The following MED13 variants were observed in gnomAD, a reference collection of about 807,000 sequenced individuals.
MED13 encodes mediator complex subunit 13.
A neutral mutation model predicts 225.2 loss-of-function variants in MED13; 23 were observed. The observed-to-expected ratio is 0.10, with a 90% CI of 0.07 to 0.14. The LOEUF (loss-of-function observed/expected upper bound fraction) is 0.14, where lower values mean the gene tolerates loss of function less well. MED13 is among the 10% of genes least tolerant of loss of function. The probability of loss-of-function intolerance (pLI) is 1.00; values close to 1 mark genes in which losing one functional copy is unlikely to be tolerated. For synonymous variants in MED13, 942 were observed against 889.2 expected (o/e 1.06, Z -1.06); for missense variants, 2,197 against 2,594.5 (o/e 0.85, Z 3.33).
At position 62,039,263 on chromosome 17, in the gene MED13, T is replaced by A. The variant is rs1466377888; in HGVS notation, c.471-3655A>T. The stretch of plus-strand genomic sequence containing the variant: ...AGTGGTTTAAAATAAACCAAGTTTG[T>A]ATGTGATACTGGAGGGAAACAATAT... On this transcript the variant is annotated intron_variant, in intron 3 of 29. Coordinates refer to ENST00000397786, the MANE Select transcript of MED13 (RefSeq NM_005121.3). Among the ~76,000 whole-genome samples, 3 of 152,180 alleles carry A rather than the reference T, an allele frequency of 2.0e-5. No individual in the cohort carries two copies. The East Asian group carries it at 5.8e-4, about 29-fold the overall frequency.
At chr17:62,037,019 A>T (rs1260678415) in intron 3 of MED13, 1 of 152,116 alleles carries the variant, frequency 6.6e-6, no homozygotes, top group East Asian at 1.9e-4. Flanking sequence ...AGCACTTGGA[A>T]GGCAGGCAGA....
chr17:62,036,083 C>T (rs1041095898), intron 3 of MED13, among the ~76,000 whole-genome samples: 1 of 149,026 alleles, frequency 6.7e-6, no homozygotes, highest in Non-Finnish European at 1.5e-5. Flanking sequence ...GGCCACTGTA[C>T]CCAGCTCTTT....
intron 20 of MED13, 129 bp downstream of exon 20, chr17:61,964,877 A>C: frequency 3.7e-6 from 3 of 821,324 alleles, no homozygotes; most frequent in Non-Finnish European, 5.6e-6. Flanking sequence ...CAGAGGTTGC[A>C]GTGAGTGCAG....
At chr17:62,033,280 G>C (rs1391750905) in intron 5 of MED13, among the ~76,000 whole-genome samples, 1 of 152,144 alleles carries the variant, frequency 6.6e-6, no homozygotes, top group Non-Finnish European at 1.5e-5. Flanking sequence ...TATTGGAAGT[G>C]GTAGTTTTAC....
chr17:61,973,093 C>T (rs1468872279), intron 16 of MED13, among the ~76,000 whole-genome samples: 1 of 152,128 alleles, frequency 6.6e-6, no homozygotes, highest in African/African-American at 2.4e-5. Context: ...CAAGAAGACA[C>T]ACAATAAAAA....
intron 9 of MED13, chr17:62,005,421 C>A (rs1341332450): frequency 1.3e-5 from 2 of 152,150 alleles, no homozygotes; most frequent in African/African-American, 4.8e-5. Context: ...GCCTCGCCAA[C>A]ATGGTGAAAC....
At chr17:62,018,106 G>A (rs972890475) in intron 8 of MED13, among the ~76,000 whole-genome samples, 1 of 152,172 alleles carries the variant, frequency 6.6e-6, no homozygotes, top group African/African-American at 2.4e-5. Flanking sequence ...TGCTAATACA[G>A]TTGGTACCAC....
intron 16 of MED13, among the ~76,000 whole-genome samples, chr17:61,977,108 G>C (rs894814430): frequency 2.0e-5 from 3 of 152,152 alleles, no homozygotes; most frequent in Admixed American, 6.5e-5. Flanking sequence ...TAGGTGTTTA[G>C]ATTATAGACA....
At chr17:61,996,952 T>A (rs553900330) in intron 9 of MED13, among the ~76,000 whole-genome samples, 1 of 152,250 alleles carries the variant, frequency 6.6e-6, no homozygotes, top group South Asian at 2.1e-4. Context: ...GACTGAGATG[T>A]TTTTGCATTA....
At chr17:61,956,519 A>T (rs750596081) in intron 23 of MED13, 38 bp from the exon 24 acceptor site, 1 of 1,565,168 alleles carries the variant, frequency 6.4e-7, no homozygotes, top group South Asian at 1.2e-5. Context: ...AAATATTTCT[A>T]AAATTTATAT....
At chr17:61,954,112 G>A (rs973248134) in intron 26 of MED13, among the ~76,000 whole-genome samples, 3 of 152,150 alleles carry the variant, frequency 2.0e-5, no homozygotes, top group Admixed American at 6.5e-5. Context: ...ATCATGTAAA[G>A]CAAAACCAAA....
At chr17:61,947,312 C>T (rs2079859144) in intron 28 of MED13, among the ~76,000 whole-genome samples, 1 of 151,904 alleles carries the variant, frequency 6.6e-6, no homozygotes, top group African/African-American at 2.4e-5. Flanking sequence ...GGATTACACG[C>T]ATGAGCCACT....
intron 8 of MED13, among the ~76,000 whole-genome samples, chr17:62,021,418 C>G (rs1396992624): frequency 6.8e-6 from 1 of 146,306 alleles, no homozygotes; most frequent in Non-Finnish European, 1.5e-5. Context: ...GGGCAGGGGG[C>G]TGACCCCCCC....
chr17:62,061,028 A>G (rs901644014), intron 2 of MED13, among the ~76,000 whole-genome samples: 6 of 152,174 alleles, frequency 3.9e-5, no homozygotes, highest in African/African-American at 1.4e-4. Flanking sequence ...GGTACAAGTA[A>G]CTACCATTTT....
At chr17:61,976,151 G>GA (rs1010577896) in intron 16 of MED13, among the ~76,000 whole-genome samples, 3 of 152,176 alleles carry the variant, frequency 2.0e-5, no homozygotes, top group East Asian at 3.9e-4. Flanking sequence ...CCAAAAAGTG[G>GA]AAAAAATCTA....
chr17:62,055,434 ACAATTTATAAATTTT>A (rs2080989268), intron 2 of MED13, among the ~76,000 whole-genome samples: 1 of 152,190 alleles, frequency 6.6e-6, no homozygotes, highest in African/African-American at 2.4e-5. Flanking sequence ...AAGCTAAAGC[ACAATTTATAAATTTT>A]CACATGAAAT....
intron 9 of MED13, among the ~76,000 whole-genome samples, chr17:61,998,325 T>C (rs921517176): frequency 6.6e-6 from 1 of 152,180 alleles, no homozygotes; most frequent in African/African-American, 2.4e-5. Flanking sequence ...GGTACAGCCA[T>C]GAACAGGAAG....
Position 62,015,938 on chromosome 17 carries a change from ATATATATATATATATATTTTTTTTTTTT to A in MED13, c.1284-4733_1284-4706del, listed in dbSNP as rs1410990164. ...CACATATATATATATATATATATAT[ATATATATATATATATATTTTTTTTTTTT>A]TTTTTTTTTTTTTTTTTAGTAGAGA... is the stretch of plus-strand genomic sequence containing the variant. On this transcript the variant is annotated intron_variant, in intron 8 of 29. Coordinates refer to ENST00000397786, the MANE Select transcript of MED13 (RefSeq NM_005121.3). Among the ~76,000 whole-genome samples the A allele has an allele frequency of 3.4e-3, 31 of 9,004 alleles. 1 individual carries two copies. The highest frequency in any genetic ancestry group is 7.7e-3 in the African/African-American group (28 of 3,622). The allele number at this position is 9,004 out of a possible 152,430, so 5.9% of individuals were successfully genotyped here. A position where few individuals can be genotyped will look rare whatever the true frequency, so the allele number is the denominator to read the frequency against.
At chr17:61,984,518 G>A (rs1231391148) in intron 14 of MED13, 133 bp downstream of exon 14, 10 of 939,804 alleles carry the variant, frequency 1.1e-5, no homozygotes, top group African/African-American at 1.7e-5. Context: ...TCTTAATAGT[G>A]ACAACAATAA....
Sources: gnomAD v4.1 joint callset for allele counts (sites outside exome capture counted in the v4.1 genomes callset) on GRCh38, gnomAD v4.1.1 for gene constraint, MANE v1.5 for transcripts, NCBI Gene and HGNC (gene_info 2026-07-23, HGNC 2026-07-21) for gene names.